VPS9D1: variants seen among roughly 807,000 people sequenced by gnomAD.
VPS9D1 encodes the protein VPS9 domain containing 1.
A neutral mutation model predicts 75.8 loss-of-function variants in VPS9D1; 78 were observed. The observed-to-expected ratio is 1.03, with a 90% CI of 0.86 to 1.24. The LOEUF (loss-of-function observed/expected upper bound fraction) is 1.24, where lower values mean the gene tolerates loss of function less well. VPS9D1 is among the 50% of genes most tolerant of loss of function. The probability of loss-of-function intolerance (pLI) is 0.00; values close to 1 mark genes in which losing one functional copy is unlikely to be tolerated. For synonymous variants in VPS9D1, 481 were observed against 385.6 expected (o/e 1.25, Z -2.90); for missense variants, 1,057 against 847.7 (o/e 1.25, Z -3.07).
chr16:89,709,203 C>T (rs1373041696), intron 12 of VPS9D1, 24 bp downstream of exon 12: 1 of 1,611,454 alleles, frequency 6.2e-7, no homozygotes, highest in Non-Finnish European at 8.5e-7. Flanking sequence ...CCTGTCCCTC[C>T]CCCTGACTCT....
At chr16:89,708,064 T>A in intron 14 of VPS9D1, 110 bp from the exon 15 acceptor site, 1 of 1,062,866 alleles carries the variant, frequency 9.4e-7, no homozygotes, top group Non-Finnish European at 1.4e-6. Flanking sequence ...GTGCTGAGGG[T>A]GGGCAGGTGG....
chr16:89,710,754 AG>A lies in VPS9D1; in HGVS notation c.1089del (p.Ser364HisfsTer45). On this transcript the variant is annotated frameshift_variant, in exon 10 of 15. Coordinates refer to ENST00000389386, the MANE Select transcript of VPS9D1 (RefSeq NM_004913.3). LOFTEE classifies it high-confidence loss of function. ...PPLQPGPVGSPSPLGDTASGL... is the reference protein window; with the variant it reads ...PPLQPGPVGSXSPLGDTASGL... The stretch of plus-strand genomic sequence containing the variant: ...CCAGATGCGGTGTCCCCCAGGGGTG[AG>A]GGAGACCCCACGGGGCCGGGTTGGA... The A allele has an allele frequency of 1.3e-6, 2 of 1,573,726 alleles. No individual in the cohort carries two copies. Among genetic ancestry groups the A allele is most frequent in the Admixed American group, 1.9e-5 (1 of 53,942 alleles).
chr16:89,712,524 T>TGG lies in VPS9D1; in HGVS notation c.544-4_544-3dup, dbSNP rs143123169. 1.9e-5 allele frequency: 31 copies of TGG among 1,611,156 alleles called. No individual in the cohort carries two copies. The African/African-American group carries it at 4.0e-4, about 21-fold the overall frequency. On this transcript the variant is annotated splice_polypyrimidine_tract_variant and splice_region_variant and intron_variant, in intron 5 of 14. Transcript: ENST00000389386. ...CATCTGCCGCTGTAGAGAGAGGGTCTGGGGGGGGAGGAGGGAGTAAGGCCG... is the reference window on the plus strand; with the variant it reads ...CATCTGCCGCTGTAGAGAGAGGGTCTGGGGGGGGGGAGGAGGGAGTAAGGCCG...
intron 4 of VPS9D1, chr16:89,713,181 ACAAAAC>A (rs768545111): frequency 6.6e-6 from 1 of 152,528 alleles, no homozygotes; most frequent in Non-Finnish European, 1.5e-5. Flanking sequence ...TCTCAAAAAA[ACAAAAC>A]CAAAACAAAA....
chr16:89,716,799 C>A lies in VPS9D1; in HGVS notation c.199G>T (p.Asp67Tyr). 6.3e-7 allele frequency: 1 copy of A among 1,591,638 alleles called. No individual in the cohort carries two copies. Among genetic ancestry groups the A allele is most frequent in the East Asian group, 2.2e-5 (1 of 44,566 alleles). Residue 67 changes from aspartate to tyrosine, a missense_variant, in exon 3 of 15, where the codon GAC becomes TAC. By Grantham distance (160) the Asp-to-Tyr change is radical. Coordinates refer to ENST00000389386, the MANE Select transcript of VPS9D1 (RefSeq NM_004913.3). ...TKEAGETVPP[D>Y]TSKMLKLAQQ... ...GCTAGCTTCAGCATCTTGGAGGTGTCGGGGGGCACAGTTTCCCCAGCTTCT... is the reference window on the plus strand; with the variant it reads ...GCTAGCTTCAGCATCTTGGAGGTGTAGGGGGGCACAGTTTCCCCAGCTTCT...
chr16:89,714,008 C>T (rs2061003945), intron 4 of VPS9D1, among the ~76,000 whole-genome samples: 1 of 152,086 alleles, frequency 6.6e-6, no homozygotes. Context: ...ACAATCTCAA[C>T]TCACTGCAAC....
In VPS9D1 at chr16:89,712,473, G is replaced by C. The variant is rs1375136361; in HGVS notation, c.593C>G (p.Ala198Gly). 1.2e-6 allele frequency: 2 copies of C among 1,613,320 alleles called. No individual in the cohort carries two copies. The highest frequency in any genetic ancestry group is 8.5e-7 in the Non-Finnish European group (1 of 1,180,008). Residue 198 changes from alanine to glycine, a missense_variant, in exon 6 of 15, where the codon GCC (alanine) becomes GGC (glycine). By Grantham distance (60) the Ala-to-Gly change is moderately conservative. Transcript: ENST00000389386. ...CAGAAAGGCTGCTGTCTCCTCCCGGGCTTTGGCAATCACTAGGTTCTCCAT... is the reference window on the plus strand; with the variant it reads ...CAGAAAGGCTGCTGTCTCCTCCCGGCCTTTGGCAATCACTAGGTTCTCCAT... ...QMMENLVIAK[A>G]REETLQRKME...
intron 2 of VPS9D1, 92 bp downstream of exon 2, chr16:89,718,935 G>A (rs1419495863): frequency 7.3e-6 from 8 of 1,100,236 alleles, no homozygotes; most frequent in Admixed American, 3.8e-5. Context: ...GGATGGTTTC[G>A]ATCTCCTGAC....
Position 89,716,898 on chromosome 16 carries a change from G to A in VPS9D1, c.176-76C>T, listed in dbSNP as rs564609953. On this transcript the variant is annotated intron_variant, in intron 2 of 14. Transcript: ENST00000389386. ...TACTGCTGAGATAAAATGAGGCAAC[G>A]GAAAAGGCAGGCAAGCCCACTGCCC... 447 of 1,368,600 alleles carry A rather than the reference G, an allele frequency of 3.3e-4. 1 individual carries two copies. The African/African-American group carries it at 5.3e-3, about 16-fold the overall frequency. The allele number at this position is 1,368,600 out of a possible 1,614,324, so 84.8% of individuals were successfully genotyped here. A position where few individuals can be genotyped will look rare whatever the true frequency, so the allele number is the denominator to read the frequency against.
chr16:89,720,464 G>A, intron 1 of VPS9D1: 1 of 1,085,882 alleles, frequency 9.2e-7, no homozygotes, highest in South Asian at 4.4e-5. Flanking sequence ...TCGGATTTTG[G>A]AAGGTGGCCT....
intron 1 of VPS9D1, chr16:89,720,467 G>A: frequency 9.2e-7 from 1 of 1,089,306 alleles, no homozygotes. Flanking sequence ...GATTTTGGAA[G>A]GTGGCCTGGC....
rs944836450 is a variant in VPS9D1, at chr16:89,709,229, A to G, written c.1595T>C (p.Ile532Thr). 3.7e-6 allele frequency: 6 copies of G among 1,611,678 alleles called. No homozygotes were observed. Among genetic ancestry groups the G allele is most frequent in the African/African-American group, 1.3e-5 (1 of 74,816 alleles). The change falls in exon 12 of 15, where the codon ATA (isoleucine) becomes ACA (threonine). Residue 532 changes from isoleucine to threonine, a missense_variant and splice_region_variant. Physicochemically the swap from Ile to Thr is moderately conservative, Grantham distance 89. Coordinates refer to ENST00000389386, the MANE Select transcript of VPS9D1 (RefSeq NM_004913.3). ...ESCPQKKLEC[I>T]VRTLRIICVC... ...CCCTGACTCTCGAACCTGCTGACCT[A>G]TGCACTCCAGCTTCTTCTGGGGGCA...
chr16:89,716,769 G>A lies in VPS9D1; in HGVS notation c.229C>T (p.Gln77Ter). 6.3e-7 allele frequency: 1 copy of A among 1,594,558 alleles called. No individual in the cohort carries two copies. Among genetic ancestry groups the A allele is most frequent in the Non-Finnish European group, 8.5e-7 (1 of 1,173,990 alleles). ...DTSKMLKLAQ[Q>*]CLERAQSTAA... ...GTCGACTGGGCCCTCTCCAGACACT[G>A]CTGTGCTAGCTTCAGCATCTTGGAG... is the stretch of plus-strand genomic sequence containing the variant. Residue 77 changes from glutamine (Q) to a stop codon, truncating the protein, a stop_gained, in exon 3 of 15, where the codon CAG becomes TAG. Transcript: ENST00000389386. LOFTEE classifies it high-confidence loss of function.
chr16:89,713,463 C>T (rs895808945), intron 4 of VPS9D1, among the ~76,000 whole-genome samples: 11 of 151,418 alleles, frequency 7.3e-5, no homozygotes, highest in Non-Finnish European at 1.5e-4. Flanking sequence ...ACCGCATTAA[C>T]CAGGATGGTC....
intron 6 of VPS9D1, 156 bp downstream of exon 6, chr16:89,712,304 T>G: frequency 7.4e-7 from 1 of 1,342,798 alleles, no homozygotes; most frequent in Non-Finnish European, 1.0e-6. Context: ...CGGCCGGGCC[T>G]TCCCCTGAGA....
chr16:89,718,162 T>G, intron 2 of VPS9D1: 2 of 421,712 alleles, frequency 4.7e-6, no homozygotes, highest in East Asian at 1.4e-4. Context: ...ATTGCGGAAC[T>G]TGCTATTCCT....
At position 89,711,921 on chromosome 16, in the gene VPS9D1, C is replaced by T. The variant is rs755809818; in HGVS notation, c.708G>A (p.Arg236=). Residue 236 remains arginine (R), a synonymous_variant, in exon 8 of 15, where the codon CGG becomes CGA. Coordinates refer to ENST00000389386, the MANE Select transcript of VPS9D1 (RefSeq NM_004913.3). ...VALTPEEREQ[R]ALYAAILEYE... ...ACTCCAGGATGGCGGCGTAAAGGGC[C>T]CGCTGCTCCCGTTCCTCCGGGGTCA... The T allele has an allele frequency of 2.6e-6, 4 of 1,551,566 alleles. No homozygotes were observed. The highest frequency in any genetic ancestry group is 2.4e-5 in the South Asian group (2 of 84,130).
In VPS9D1 at chr16:89,720,844, C is replaced by A; in HGVS notation, c.18G>T (p.Gly6=). 7.0e-7 allele frequency: 1 copy of A among 1,425,546 alleles called. No homozygotes were observed. Among genetic ancestry groups the A allele is most frequent in the Non-Finnish European group, 9.2e-7 (1 of 1,083,612 alleles). The allele number at this position is 1,425,546 out of a possible 1,614,324, so 88.3% of individuals were successfully genotyped here. MAAAA[G]DGTVKPLQSA... ...TCTGCAGCGGCTTCACCGTGCCGTC[C>A]CCGGCCGCAGCGGCCATGGCGCCGA... The change falls in exon 1 of 15, where the codon GGG becomes GGT. Residue 6 remains glycine (G), a synonymous_variant. Transcript: ENST00000389386.
chr16:89,712,494 T>C lies in VPS9D1; in HGVS notation c.572A>G (p.Glu191Gly), dbSNP rs1433893484. Residue 191 changes from glutamate to glycine, a missense_variant, in exon 6 of 15, where the codon GAG becomes GGG. Transcript: ENST00000389386. ...LTLSLQRQMM[E>G]NLVIAKAREE... ...CCGGGCTTTGGCAATCACTAGGTTCTCCATCATCTGCCGCTGTAGAGAGAG... is the reference window on the plus strand; with the variant it reads ...CCGGGCTTTGGCAATCACTAGGTTCCCCATCATCTGCCGCTGTAGAGAGAG... The C allele has an allele frequency of 6.2e-7, 1 of 1,613,198 alleles. No homozygotes were observed. Among genetic ancestry groups the C allele is most frequent in the Admixed American group, 1.7e-5 (1 of 59,998 alleles).
Sources: gnomAD v4.1 joint callset for allele counts (sites outside exome capture counted in the v4.1 genomes callset) on GRCh38, gnomAD v4.1.1 for gene constraint, MANE v1.5 for transcripts, NCBI Gene and HGNC (gene_info 2026-07-23, HGNC 2026-07-21) for gene names.